CLEC16A: variants seen among roughly 807,000 people sequenced by gnomAD.
CLEC16A encodes the protein protein CLEC16A.
CLEC16A carries 51 observed loss-of-function variants against 109.5 expected under a neutral mutation model. The ratio of observed to expected loss-of-function variants is 0.47; its 90% CI spans 0.37 to 0.59. The LOEUF is 0.59. Ranked by LOEUF, CLEC16A falls within the 20% of genes least tolerant of loss-of-function variation. The pLI is 0.00. For synonymous variants in CLEC16A, 673 were observed against 564.2 expected, an observed-to-expected ratio of 1.19 and a Z score of -2.73; for missense variants, 1,339 against 1,394.0, an observed-to-expected ratio of 0.96 and a Z score of 0.63.
chr16:11,015,128 GA>G (rs959220935), intron 11 of CLEC16A, among the ~76,000 whole-genome samples: 1 of 152,196 alleles, frequency 6.6e-6, no homozygotes, highest in Non-Finnish European at 1.5e-5. Flanking sequence ...AGAAGAGCAA[GA>G]AACCTTTCCT....
chr16:11,036,474 T>C (rs934062119), intron 13 of CLEC16A, among the ~76,000 whole-genome samples: 1 of 152,170 alleles, frequency 6.6e-6, no homozygotes, highest in South Asian at 2.1e-4. Context: ...AGCATGCCTC[T>C]TTTGGGCTGT....
chr16:11,126,299 G>T (rs142512196), intron 22 of CLEC16A, 153 bp downstream of exon 22: 2 of 1,536,556 alleles, frequency 1.3e-6, no homozygotes, highest in Non-Finnish European at 1.8e-6. Context: ...AAAGCACAGC[G>T]CAAGATTAAA....
chr16:10,979,954 G>T (rs1392520003), intron 9 of CLEC16A, among the ~76,000 whole-genome samples: 1 of 151,982 alleles, frequency 6.6e-6, no homozygotes, highest in East Asian at 1.9e-4. Context: ...ATGTAATTAT[G>T]TAATATTTAC....
chr16:11,045,112 C>T (rs1163588106), intron 16 of CLEC16A, among the ~76,000 whole-genome samples: 2 of 151,922 alleles, frequency 1.3e-5, no homozygotes, highest in East Asian at 1.9e-4. Flanking sequence ...TGGGAGGCTG[C>T]GGCGGTCAGA....
intron 19 of CLEC16A, 63 bp downstream of exon 19, chr16:11,061,085 T>C: frequency 2.0e-6 from 3 of 1,500,558 alleles, no homozygotes; most frequent in Non-Finnish European, 2.7e-6. Context: ...GACACCACTC[T>C]GCTGATTCAC....
At chr16:11,003,970 CAAAAA>C (rs962482634) in intron 11 of CLEC16A, among the ~76,000 whole-genome samples, 1 of 57,988 alleles carries the variant, frequency 1.7e-5, no homozygotes, top group African/African-American at 5.9e-5. Flanking sequence ...CCTGTCTCTA[CAAAAA>C]AAAAAAAAAA....
chr16:11,157,169 T>C (rs1355206079), intron 22 of CLEC16A: 1 of 1,268,844 alleles, frequency 7.9e-7, no homozygotes, highest in Non-Finnish European at 1.0e-6. Context: ...GCTATTTTTG[T>C]ATGTTGGACA....
chr16:10,972,907 G>C (rs200325017), intron 6 of CLEC16A, 31 bp from the exon 7 acceptor site: 75 of 1,544,200 alleles, frequency 4.9e-5, no homozygotes, highest in Non-Finnish European at 6.3e-5. Flanking sequence ...TTGGTAGCTT[G>C]ACTTTTTTTT....
chr16:11,074,117 CCTCT>C (rs1175615505), intron 19 of CLEC16A, among the ~76,000 whole-genome samples: 1 of 152,110 alleles, frequency 6.6e-6, no homozygotes, highest in Non-Finnish European at 1.5e-5. Flanking sequence ...AATTATTTAA[CCTCT>C]CTAAGGGCTA....
chr16:11,106,891 C>G (rs977144968), intron 19 of CLEC16A, among the ~76,000 whole-genome samples: 3 of 152,172 alleles, frequency 2.0e-5, no homozygotes, highest in African/African-American at 7.2e-5. Context: ...CCACTCAACT[C>G]CAGGCACTTG....
At chr16:11,012,241 A>G (rs747001493) in intron 11 of CLEC16A, among the ~76,000 whole-genome samples, 9 of 152,202 alleles carry the variant, frequency 5.9e-5, no homozygotes, top group Non-Finnish European at 1.0e-4. Flanking sequence ...CTTCTACATA[A>G]AGGCCCAAAA....
At chr16:11,036,198 C>G (rs1310054886) in intron 13 of CLEC16A, 1 of 152,374 alleles carries the variant, frequency 6.6e-6, no homozygotes, top group Non-Finnish European at 1.5e-5. Flanking sequence ...TTACGGCCCG[C>G]TAGCTGCCTC....
At chr16:11,135,222 C>T (rs1436386747) in intron 22 of CLEC16A, among the ~76,000 whole-genome samples, 1 of 152,194 alleles carries the variant, frequency 6.6e-6, no homozygotes, top group Non-Finnish European at 1.5e-5. Flanking sequence ...CAAAAATCAG[C>T]CCTGAGCTGA....
At chr16:11,020,697 T>G (rs1482363326) in intron 12 of CLEC16A, among the ~76,000 whole-genome samples, 1 of 152,228 alleles carries the variant, frequency 6.6e-6, no homozygotes, top group Non-Finnish European at 1.5e-5. Context: ...TCTCCCTGCC[T>G]GGTTCATTCC....
intron 23 of CLEC16A, among the ~76,000 whole-genome samples, chr16:11,172,008 ACT>A (rs1329377871): frequency 2.0e-5 from 3 of 152,206 alleles, no homozygotes; most frequent in Admixed American, 6.5e-5. Context: ...GCATACACAC[ACT>A]CACACTTACA....
At chr16:11,169,810 C>T (rs147395796) in intron 23 of CLEC16A, among the ~76,000 whole-genome samples, 15 of 152,314 alleles carry the variant, frequency 9.8e-5, no homozygotes, top group African/African-American at 3.6e-4. Context: ...CCTGCTGTAG[C>T]CACGGCAGGG....
chr16:11,154,523 A>G (rs1032484130), intron 22 of CLEC16A, among the ~76,000 whole-genome samples: 2 of 152,254 alleles, frequency 1.3e-5, no homozygotes, highest in Non-Finnish European at 2.9e-5. Context: ...ATCTTCAGTC[A>G]TAACAGCTAA....
At chr16:11,044,187 T>C in intron 16 of CLEC16A, 115 bp downstream of exon 16, 1 of 831,860 alleles carries the variant, frequency 1.2e-6, no homozygotes, top group Non-Finnish European at 1.7e-6. Flanking sequence ...TTTATGCCTA[T>C]AATTACTGAA....
intron 5 of CLEC16A, 181 bp from the exon 6 acceptor site, chr16:10,972,373 C>T (rs2042833567): frequency 1.7e-6 from 1 of 596,466 alleles, no homozygotes; most frequent in South Asian, 2.2e-5. Flanking sequence ...ACAGTTGGTT[C>T]TGCTGCCTCC....
Sources: allele counts gnomAD v4.1 joint callset (sites outside exome capture counted in the v4.1 genomes callset), GRCh38; gene constraint gnomAD v4.1.1; transcripts MANE v1.5; gene names NCBI Gene and HGNC (gene_info 2026-07-23, HGNC 2026-07-21).